Variants in SKA3 observed in about 807,000 individuals in gnomAD.
The protein encoded by SKA3 is spindle and kinetochore associated complex subunit 3.
SKA3 carries 39 observed loss-of-function variants against 44.2 expected under a neutral mutation model. The ratio of observed to expected loss-of-function variants is 0.88; its 90% CI spans 0.68 to 1.15. The LOEUF (loss-of-function observed/expected upper bound fraction) is 1.15, where lower values mean the gene tolerates loss of function less well. Ranked by LOEUF, SKA3 falls within the 50% of genes most tolerant of loss-of-function variation. SKA3 has a pLI of 0.00. For missense variants in SKA3, 511 were observed against 485.8 expected, an observed-to-expected ratio of 1.05 and a Z score of -0.49; for synonymous variants, 192 against 172.0, an observed-to-expected ratio of 1.12 and a Z score of -0.91.
At chr13:21,165,820 A>T (rs1595301579) in intron 4 of SKA3, among the ~76,000 whole-genome samples, 3 of 152,006 alleles carry the variant, frequency 2.0e-5, no homozygotes, top group African/African-American at 7.2e-5. Flanking sequence ...CTGCAGTCCC[A>T]GCTACTCAGG....
At chr13:21,157,559 C>A (rs553680182) in intron 7 of SKA3, among the ~76,000 whole-genome samples, 1 of 152,300 alleles carries the variant, frequency 6.6e-6, no homozygotes, top group South Asian at 2.1e-4. Context: ...TTATGCAGCA[C>A]ATGACTATAT....
rs1188415477 is a variant in SKA3 at position 21,176,464 on chromosome 13, C to G, written c.14G>C (p.Arg5Pro). The G allele has an allele frequency of 6.4e-7, 1 of 1,569,802 alleles. No individual in the cohort carries two copies. The highest frequency in any genetic ancestry group is 1.4e-5 in the African/African-American group (1 of 72,172). The part of the protein sequence containing the change: MDPI[R>P]SFCGKLRSLA... Reference sequence around the variant, plus strand: ...AGACCGCAGCTTCCCGCAGAAGCTCCGGATAGGGTCCATGCTGAGCACAGC... The same window carrying G: ...AGACCGCAGCTTCCCGCAGAAGCTCGGGATAGGGTCCATGCTGAGCACAGC... Residue 5 changes from arginine (R) to proline (P), a missense_variant, in exon 1 of 9, where the codon CGG becomes CCG. Coordinates refer to ENST00000314759, the MANE Select transcript of SKA3 (RefSeq NM_145061.6).
intron 4 of SKA3, among the ~76,000 whole-genome samples, chr13:21,166,823 C>G (rs1361773546): frequency 6.6e-6 from 1 of 152,094 alleles, no homozygotes; most frequent in African/African-American, 2.4e-5. Context: ...AGGACCAGTT[C>G]TTAGGTTTAT....
At chr13:21,159,328 G>T (rs979170734) in intron 6 of SKA3, among the ~76,000 whole-genome samples, 4 of 152,084 alleles carry the variant, frequency 2.6e-5, no homozygotes, top group Non-Finnish European at 4.4e-5. Flanking sequence ...AAATTTATTT[G>T]TTGGTAAAAT....
At chr13:21,170,978 G>C (rs1029043936) in intron 3 of SKA3, among the ~76,000 whole-genome samples, 7 of 152,142 alleles carry the variant, frequency 4.6e-5, no homozygotes, top group African/African-American at 1.7e-4. Flanking sequence ...GCAGGTTGGA[G>C]TGCAGTGGCG....
intron 3 of SKA3, among the ~76,000 whole-genome samples, chr13:21,172,036 A>C (rs1211653634): frequency 6.6e-6 from 1 of 152,208 alleles, no homozygotes; most frequent in African/African-American, 2.4e-5. Context: ...CCAAGTTTTG[A>C]AGATTTATCT....
At chr13:21,166,668 G>C (rs929226721) in intron 4 of SKA3, among the ~76,000 whole-genome samples, 6 of 152,220 alleles carry the variant, frequency 3.9e-5, no homozygotes, top group Admixed American at 3.9e-4. Context: ...CAGTGGTGGA[G>C]GTTGCAGTGA....
In SKA3 at chr13:21,154,955, G is replaced by A; in HGVS notation, c.*195C>T. The A allele has an allele frequency of 3.5e-6, 3 of 867,872 alleles. No homozygotes were observed. Among genetic ancestry groups the A allele is most frequent in the Middle Eastern group, 4.5e-4 (2 of 4,446 alleles). 53.8% of individuals were successfully genotyped at this position (867,872 alleles called of 1,614,324 possible). ...TAAAGAGTGAATGACTGGGCTACAT[G>A]TCAACAAGACTAAGGTTAAACCTTA... On this transcript the variant is annotated 3_prime_UTR_variant, in exon 9 of 9. Coordinates refer to ENST00000314759, the MANE Select transcript of SKA3 (RefSeq NM_145061.6).
chr13:21,176,412 C>A lies in SKA3; in HGVS notation c.66G>T (p.Thr22=). ...CGTCCAGCGCTCGCTGCAGCCGGGC[C>A]GTCTCGCAGTCCAGCGTGCTGGCCA... ...RSLASTLDCE[T]ARLQRALDGE... Residue 22 remains threonine, a synonymous_variant, in exon 1 of 9, where the codon ACG becomes ACT. Coordinates refer to ENST00000314759, the MANE Select transcript of SKA3 (RefSeq NM_145061.6). 6.3e-7 allele frequency: 1 copy of A among 1,583,634 alleles called. No homozygotes were observed. Among genetic ancestry groups the A allele is most frequent in the Non-Finnish European group, 8.6e-7 (1 of 1,165,894 alleles).
At chr13:21,167,825 T>C (rs1471532281) in intron 4 of SKA3, among the ~76,000 whole-genome samples, 163 bp downstream of exon 4, 1 of 147,964 alleles carries the variant, frequency 6.8e-6, no homozygotes, top group African/African-American at 2.5e-5. Flanking sequence ...CCAAACACCA[T>C]CTGTTCCCCT....
chr13:21,174,427 T>C (rs1871301221), intron 1 of SKA3, among the ~76,000 whole-genome samples: 1 of 152,194 alleles, frequency 6.6e-6, no homozygotes, highest in Non-Finnish European at 1.5e-5. Context: ...TCATGTCCTA[T>C]GTAGGGACAT....
chr13:21,155,805 A>C lies in SKA3; in HGVS notation c.1126T>G (p.Ser376Ala). The change falls in exon 8 of 9, where the codon TCA becomes GCA. Residue 376 changes from serine to alanine, a missense_variant. Physicochemically the swap from Ser to Ala is moderately conservative, Grantham distance 99. Coordinates refer to ENST00000314759, the MANE Select transcript of SKA3 (RefSeq NM_145061.6). Reference protein sequence around the residue: ...KIPEDILQLLSKYNSNLATPI... With the variant: ...KIPEDILQLLAKYNSNLATPI... The stretch of plus-strand genomic sequence containing the variant: ...GTAGCTAGGTTTGAGTTGTATTTTG[A>C]TAAAAGCTAAAAAAAAAAAAGGAAA... 3 of 1,473,568 alleles carry C rather than the reference A, an allele frequency of 2.0e-6. No individual in the cohort carries two copies. The highest frequency in any genetic ancestry group is 1.2e-5 in the South Asian group (1 of 86,264). 91.3% of individuals were successfully genotyped at this position (1,473,568 alleles called of 1,614,324 possible).
At chr13:21,158,548 G>C (rs1465145494) in intron 6 of SKA3, among the ~76,000 whole-genome samples, 4 of 152,202 alleles carry the variant, frequency 2.6e-5, no homozygotes, top group Non-Finnish European at 4.4e-5. Flanking sequence ...CTTGAACCCA[G>C]AGGCGGAGGT....
intron 7 of SKA3, among the ~76,000 whole-genome samples, chr13:21,156,497 T>C (rs940239050): frequency 2.0e-5 from 3 of 152,170 alleles, no homozygotes; most frequent in African/African-American, 7.2e-5. Context: ...ATATAAGGCT[T>C]CCTTCCTTTT....
At chr13:21,157,749 A>G (rs1486866158) in intron 7 of SKA3, among the ~76,000 whole-genome samples, 173 bp downstream of exon 7, 1 of 152,218 alleles carries the variant, frequency 6.6e-6, no homozygotes, top group African/African-American at 2.4e-5. Context: ...ACAGTTGAAC[A>G]AGAATTAGAA....
At chr13:21,162,700 TA>T (rs1870504535) in intron 4 of SKA3, among the ~76,000 whole-genome samples, 1 of 152,068 alleles carries the variant, frequency 6.6e-6, no homozygotes. Flanking sequence ...AACATTTTTT[TA>T]AAAGTGTGTA....
At chr13:21,158,643 A>T (rs1870268097) in intron 6 of SKA3, among the ~76,000 whole-genome samples, 1 of 152,054 alleles carries the variant, frequency 6.6e-6, no homozygotes, top group Admixed American at 6.6e-5. Context: ...ACAAAACAAA[A>T]ACCAAAAAAA....
At chr13:21,160,860 A>G (rs1870400494) in intron 5 of SKA3, among the ~76,000 whole-genome samples, 1 of 152,232 alleles carries the variant, frequency 6.6e-6, no homozygotes, top group African/African-American at 2.4e-5. Flanking sequence ...CTATTTATCA[A>G]TTAAAAAGGA....
At chr13:21,159,011 T>G (rs1483339917) in intron 6 of SKA3, among the ~76,000 whole-genome samples, 1 of 152,112 alleles carries the variant, frequency 6.6e-6, no homozygotes, top group African/African-American at 2.4e-5. Context: ...CAGCCCTGTG[T>G]TCATCCATAG....
Sources: allele counts gnomAD v4.1 joint callset (sites outside exome capture counted in the v4.1 genomes callset), GRCh38; gene constraint gnomAD v4.1.1; transcripts MANE v1.5; gene names NCBI Gene and HGNC (gene_info 2026-07-23, HGNC 2026-07-21).